PARN: variants seen among roughly 807,000 people sequenced by gnomAD.
PARN encodes poly(A)-specific ribonuclease.
Under a neutral mutation model 102.8 loss-of-function variants are expected in PARN, and 71 were observed. That is an observed-to-expected ratio of 0.69 (90% CI 0.57 to 0.84). PARN has a LOEUF of 0.84. Among genes scored for constraint, PARN ranks in the 40% least tolerant of loss-of-function variants. The probability of loss-of-function intolerance (pLI) is 0.00; values close to 1 mark genes in which losing one functional copy is unlikely to be tolerated. For synonymous variants in PARN, 261 were observed against 252.9 expected (o/e 1.03, Z -0.30); for missense variants, 782 against 760.9 (o/e 1.03, Z -0.33).
chr16:14,553,477 C>T (rs1320846578), intron 20 of PARN, among the ~76,000 whole-genome samples: 1 of 152,178 alleles, frequency 6.6e-6, no homozygotes, highest in African/African-American at 2.4e-5. Flanking sequence ...GTGGCCTTCA[C>T]TTTATCCAAG....
chr16:14,509,015 T>C (rs1690273144), intron 21 of PARN, among the ~76,000 whole-genome samples: 1 of 151,730 alleles, frequency 6.6e-6, no homozygotes, highest in Admixed American at 6.6e-5. Context: ...AAGAAGCAAT[T>C]AAATTATAAA....
At chr16:14,472,692 A>C (rs1962817085) in intron 22 of PARN, among the ~76,000 whole-genome samples, 1 of 152,246 alleles carries the variant, frequency 6.6e-6, no homozygotes, top group African/African-American at 2.4e-5. Flanking sequence ...TTCTGAGAGA[A>C]AACAGTTTTG....
rs773559290 is a variant in PARN, at chr16:14,582,169, T to C, written c.1192+12A>G. 9.9e-6 allele frequency: 15 copies of C among 1,509,588 alleles called. No individual in the cohort carries two copies. Among genetic ancestry groups the C allele is most frequent in the Admixed American group, 6.7e-5 (4 of 59,878 alleles). 93.5% of individuals were successfully genotyped at this position (1,509,588 alleles called of 1,614,324 possible). The stretch of plus-strand genomic sequence containing the variant: ...TCACTGCGTGTTTGACTGAAAGACA[T>C]GTAATGCGTACCTAGGTAATTGGCC... On this transcript the variant is annotated intron_variant, in intron 17 of 23. Transcript: ENST00000437198.
chr16:14,550,980 A>G (rs1567375062), intron 21 of PARN, among the ~76,000 whole-genome samples: 2 of 151,758 alleles, frequency 1.3e-5, no homozygotes, highest in Admixed American at 1.3e-4. Flanking sequence ...TTTTTTTTCA[A>G]GACAGGGTCT....
intron 21 of PARN, among the ~76,000 whole-genome samples, chr16:14,519,911 G>A (rs890041093): frequency 1.3e-5 from 2 of 152,040 alleles, no homozygotes; most frequent in Non-Finnish European, 2.9e-5. Flanking sequence ...ATGAAATAAT[G>A]GATCTAGGTT....
intron 21 of PARN, among the ~76,000 whole-genome samples, chr16:14,537,753 T>C (rs558551231): frequency 9.2e-5 from 14 of 152,064 alleles, no homozygotes; most frequent in African/African-American, 2.9e-4. Context: ...GAGAGTATAA[T>C]TGGGAGTATT....
At chr16:14,585,907 C>T (rs1328892973) in intron 14 of PARN, among the ~76,000 whole-genome samples, 1 of 151,216 alleles carries the variant, frequency 6.6e-6, no homozygotes, top group Non-Finnish European at 1.5e-5. Flanking sequence ...AAGTTCCAAG[C>T]TTATATGAAC....
At chr16:14,498,966 T>A (rs1456067409) in intron 21 of PARN, among the ~76,000 whole-genome samples, 1 of 152,250 alleles carries the variant, frequency 6.6e-6, no homozygotes, top group African/African-American at 2.4e-5. Context: ...TCACCAAATG[T>A]CCCCAAATGG....
At position 14,449,201 on chromosome 16, in the gene PARN, A is replaced by G. The variant is rs192638302; in HGVS notation, c.1671-2120T>C. On this transcript the variant is annotated intron_variant, in intron 22 of 23. Coordinates refer to ENST00000437198, the MANE Select transcript of PARN (RefSeq NM_002582.4). ...GCATTAAAAATACTCTGTGAAATAC[A>G]AAGTCTAGAAATAGCCCCAACTGTA... is the stretch of plus-strand genomic sequence containing the variant. Among the ~76,000 whole-genome samples the G allele has an allele frequency of 7.7e-4, 117 of 152,316 alleles. 1 individual carries two copies. The highest frequency in any genetic ancestry group is 1.5e-3 in the South Asian group (7 of 4,826).
intron 21 of PARN, among the ~76,000 whole-genome samples, chr16:14,531,821 A>G (rs1356653408): frequency 6.6e-6 from 1 of 152,072 alleles, no homozygotes; most frequent in Non-Finnish European, 1.5e-5. Flanking sequence ...CAGACTTCTC[A>G]ATGAAAACTG....
intron 9 of PARN, among the ~76,000 whole-genome samples, chr16:14,607,648 C>T (rs1037165710): frequency 1.3e-5 from 2 of 152,014 alleles, no homozygotes; most frequent in African/African-American, 2.4e-5. Flanking sequence ...GCTGCAAGGA[C>T]GACATGACAG....
Position 14,555,681 on chromosome 16 carries a change from G to T in PARN, c.1291C>A (p.Pro431Thr). The part of the protein sequence containing the change: ...KLFLMRVMDI[P>T]YLNLEGPDLQ... ...TCTGGTCCTTCCAAGTTTAGATAGG[G>T]GATATCCATGACCCTCATAAGAAAT... The change falls in exon 19 of 24, where the codon CCC (proline) becomes ACC (threonine). Residue 431 changes from proline to threonine, a missense_variant. By Grantham distance (38) the Pro-to-Thr change is conservative. Coordinates refer to ENST00000437198, the MANE Select transcript of PARN (RefSeq NM_002582.4). The T allele has an allele frequency of 6.7e-7, 1 of 1,485,976 alleles. No homozygotes were observed. The highest frequency in any genetic ancestry group is 1.3e-5 in the South Asian group (1 of 77,354). 92.0% of individuals were successfully genotyped at this position (1,485,976 alleles called of 1,614,324 possible). A position where few individuals can be genotyped will look rare whatever the true frequency, so the allele number is the denominator to read the frequency against.
intron 10 of PARN, 50 bp from the exon 11 acceptor site, chr16:14,604,276 TTGAGAC>T (rs766853302): frequency 1.6e-6 from 2 of 1,224,948 alleles, no homozygotes; most frequent in Non-Finnish European, 2.3e-6. Context: ...TTCTTTTTTT[TTGAGAC>T]AGAGTTTCGC....
At chr16:14,499,215 G>T (rs1964464177) in intron 21 of PARN, among the ~76,000 whole-genome samples, 1 of 152,192 alleles carries the variant, frequency 6.6e-6, no homozygotes, top group Admixed American at 6.5e-5. Flanking sequence ...CAGCATTCAG[G>T]TCTGAACTGG....
rs772057488 is a variant in PARN, at chr16:14,617,607, T to C, written c.371A>G (p.Asn124Ser). Residue 124 changes from asparagine to serine, a missense_variant, in exon 6 of 24, where the codon AAT becomes AGT. Transcript: ENST00000437198. ...AATCTTACCATTTCGAAAAACTTTA[T>C]TAAAATCAAATCCCTGGCTTGCTAG... ...DFLASQGFDFNKVFRNGIPYL... is the reference protein window; with the variant it reads ...DFLASQGFDFSKVFRNGIPYL... The C allele has an allele frequency of 2.5e-6, 4 of 1,579,400 alleles. No homozygotes were observed.
At chr16:14,444,032 G>A (rs12446909) in intron 23 of PARN, among the ~76,000 whole-genome samples, 24,981 of 152,094 alleles carry the variant, frequency 0.16, 2,641 homozygotes, top group Middle Eastern at 0.27. Flanking sequence ...CCCTCAACAG[G>A]GCTTGAACTT....
intron 21 of PARN, among the ~76,000 whole-genome samples, chr16:14,551,325 C>A (rs973745462): frequency 5.3e-5 from 8 of 151,940 alleles, no homozygotes; most frequent in African/African-American, 1.9e-4. Context: ...TCCCAGCACT[C>A]TGAAAGGCCG....
chr16:14,566,947 A>G (rs1005607602), intron 18 of PARN, among the ~76,000 whole-genome samples: 3 of 152,248 alleles, frequency 2.0e-5, no homozygotes, highest in Non-Finnish European at 2.9e-5. Context: ...GGCAGTATCA[A>G]CTTGAGGCAA....
chr16:14,437,933 G>C (rs376436080), intron 23 of PARN, among the ~76,000 whole-genome samples: 22 of 152,326 alleles, frequency 1.4e-4, no homozygotes, highest in East Asian at 9.6e-4. Flanking sequence ...GCTAACATGA[G>C]AATTTCTACT....
Sources: gnomAD v4.1 joint callset for allele counts (sites outside exome capture counted in the v4.1 genomes callset) on GRCh38, gnomAD v4.1.1 for gene constraint, MANE v1.5 for transcripts, NCBI Gene and HGNC (gene_info 2026-07-23, HGNC 2026-07-21) for gene names.